Variants in CPA4 observed in about 807,000 individuals in gnomAD.
CPA4 encodes carboxypeptidase A3.
CPA4 carries 49 observed loss-of-function variants against 54.7 expected under a neutral mutation model. That is an observed-to-expected ratio of 0.90 (90% CI 0.71 to 1.14). CPA4 has a LOEUF of 1.14. CPA4 is among the 50% of genes most tolerant of loss of function. The probability of loss-of-function intolerance (pLI) is 0.00; values close to 1 mark genes in which losing one functional copy is unlikely to be tolerated. For synonymous variants in CPA4, 215 were observed against 206.8 expected (o/e 1.04, Z -0.34); for missense variants, 487 against 525.1 (o/e 0.93, Z 0.71).
Position 130,308,315 on chromosome 7 carries a change from A to G in CPA4, c.711A>G (p.Leu237=). The G allele has an allele frequency of 4.3e-6, 7 of 1,614,052 alleles. No homozygotes were observed. The highest frequency in any genetic ancestry group is 5.9e-6 in the Non-Finnish European group (7 of 1,179,980). Residue 237 remains leucine (L), a synonymous_variant, in exon 8 of 11, where the codon TTA becomes TTG. Coordinates refer to ENST00000222482, the MANE Select transcript of CPA4 (RefSeq NM_016352.4). ...GYVYTQTQNR[L]WRKTRSRNPG... is the part of the protein sequence containing the mutation. ...CTTGGTGGCTTTTTCAGAACCGATT[A>G]TGGAGGAAGACGCGGTCCCGAAATC...
At position 130,310,764 on chromosome 7, in the gene CPA4, T is replaced by C. The variant is rs750039760; in HGVS notation, c.794-23T>C. 1 of 1,609,118 alleles carries C rather than the reference T, an allele frequency of 6.2e-7. No homozygotes were observed. ...TGTTCTTGGACTATGAGTTAATGTTTGTTCTTGGGCTATCCCCAACAGGAA... is the reference window on the plus strand; with the variant it reads ...TGTTCTTGGACTATGAGTTAATGTTCGTTCTTGGGCTATCCCCAACAGGAA... On this transcript the variant is annotated intron_variant, in intron 8 of 10. Coordinates refer to ENST00000222482, the MANE Select transcript of CPA4 (RefSeq NM_016352.4). The surrounding 1 kb of genome is among the most constrained non-coding windows in gnomAD (Gnocchi z 4.3).
intron 1 of CPA4, among the ~76,000 whole-genome samples, chr7:130,293,705 A>G (rs781051629): frequency 2.0e-5 from 3 of 152,202 alleles, no homozygotes; most frequent in Non-Finnish European, 2.9e-5. Context: ...TTAATGGCGA[A>G]GGCTTTGCAG....
chr7:130,322,420 T>C, intron 10 of CPA4, 69 bp from the exon 11 acceptor site: 6 of 1,339,278 alleles, frequency 4.5e-6, no homozygotes, highest in Non-Finnish European at 6.3e-6. Flanking sequence ...CAGGCAGAGC[T>C]CTTGGCCCCT....
chr7:130,320,792 C>A (rs993001642), intron 10 of CPA4, among the ~76,000 whole-genome samples: 2 of 152,182 alleles, frequency 1.3e-5, no homozygotes, highest in Admixed American at 6.5e-5. Flanking sequence ...ATAAAACCTA[C>A]TTCAATGAGT....
rs1794158844 is a variant in CPA4 at position 130,323,529 on chromosome 7, T to A, written c.*853T>A. On this transcript the variant is annotated 3_prime_UTR_variant, in exon 11 of 11. Coordinates refer to ENST00000222482, the MANE Select transcript of CPA4 (RefSeq NM_016352.4). ...CCACTGTGCCGGGCCCGTCCCCTCCTTTTTTAGGCCTGAATACAAAGTAGA... is the reference window on the plus strand; with the variant it reads ...CCACTGTGCCGGGCCCGTCCCCTCCATTTTTAGGCCTGAATACAAAGTAGA... The A allele has an allele frequency of 6.6e-6, 1 of 152,238 alleles. No homozygotes were observed. Among genetic ancestry groups the A allele is most frequent in the Admixed American group, 6.5e-5 (1 of 15,274 alleles). 9.4% of individuals were successfully genotyped at this position (152,238 alleles called of 1,614,324 possible).
intron 10 of CPA4, among the ~76,000 whole-genome samples, chr7:130,319,792 G>A (rs1794058070): frequency 6.6e-6 from 1 of 152,224 alleles, no homozygotes; most frequent in Non-Finnish European, 1.5e-5. Flanking sequence ...TCTGGGTGTG[G>A]TGATGATTCC....
intron 10 of CPA4, among the ~76,000 whole-genome samples, chr7:130,316,174 G>A (rs1793985032): frequency 1.3e-5 from 2 of 152,218 alleles, no homozygotes; most frequent in Non-Finnish European, 2.9e-5. Context: ...AAAGAAATGT[G>A]ATTGATGTCC....
chr7:130,320,233 A>G (rs1322899113), intron 10 of CPA4, among the ~76,000 whole-genome samples: 2 of 152,208 alleles, frequency 1.3e-5, no homozygotes, highest in East Asian at 3.8e-4. Context: ...CATGTGCAGA[A>G]CAGCGTTAAT....
Position 130,308,339 on chromosome 7 carries a change from TC to T in CPA4, c.737del (p.Pro246LeufsTer43), listed in dbSNP as rs1484149980. 1 of 1,614,188 alleles carries T rather than the reference TC, an allele frequency of 6.2e-7. No homozygotes were observed. The highest frequency in any genetic ancestry group is 8.5e-7 in the Non-Finnish European group (1 of 1,180,040). ...RLWRKTRSRNPGSSCIGADPN... is the reference protein window; with the variant it reads ...RLWRKTRSRNXGSSCIGADPN... ...TATGGAGGAAGACGCGGTCCCGAAA[TC>T]CTGGAAGCTCCTGCATTGGTGCTGA... is the stretch of plus-strand genomic sequence containing the variant. On this transcript the variant is annotated frameshift_variant, in exon 8 of 11. Coordinates refer to ENST00000222482, the MANE Select transcript of CPA4 (RefSeq NM_016352.4). LOFTEE classifies it high-confidence loss of function.
chr7:130,318,860 C>T lies in CPA4; in HGVS notation c.1079-3629C>T, dbSNP rs116322786. 3.0e-3 allele frequency among the ~76,000 whole-genome samples: 464 copies of T among 152,276 alleles called. 2 individuals carry two copies. Among genetic ancestry groups the T allele is most frequent in the African/African-American group, 0.011 (437 of 41,558 alleles). The stretch of plus-strand genomic sequence containing the variant: ...TGGTGTGTGCTACATACACAGTCGA[C>T]GTTTGTCCTTTCAAGTGCTGGGCCT... On this transcript the variant is annotated intron_variant, in intron 10 of 10. Transcript: ENST00000222482.
At chr7:130,315,430 T>TA (rs1793973832) in intron 10 of CPA4, among the ~76,000 whole-genome samples, 2 of 137,102 alleles carry the variant, frequency 1.5e-5, no homozygotes, top group Non-Finnish European at 3.2e-5. Context: ...TTGGTGAGGG[T>TA]GTTTTTTAGA....
chr7:130,311,134 A>G (rs1793907012), intron 9 of CPA4, 148 bp downstream of exon 9: 1 of 654,828 alleles, frequency 1.5e-6, no homozygotes, highest in South Asian at 1.8e-5. Context: ...GCCCTTTGGG[A>G]TATGCTGTCA....
At chr7:130,311,509 G>A (rs533563918) in intron 9 of CPA4, among the ~76,000 whole-genome samples, 39 of 152,274 alleles carry the variant, frequency 2.6e-4, no homozygotes, top group African/African-American at 9.4e-4. Context: ...CAAAGTGCGG[G>A]CTTGATTCTG....
At position 130,310,907 on chromosome 7, in the gene CPA4, T is replaced by A; in HGVS notation, c.914T>A (p.Ile305Asn). The A allele has an allele frequency of 6.2e-7, 1 of 1,614,208 alleles. No homozygotes were observed. Among genetic ancestry groups the A allele is most frequent in the Non-Finnish European group, 8.5e-7 (1 of 1,180,030 alleles). Residue 305 changes from isoleucine (I) to asparagine (N), a missense_variant, in exon 9 of 11, where the codon ATC becomes AAC. Coordinates refer to ENST00000222482, the MANE Select transcript of CPA4 (RefSeq NM_016352.4). The surrounding 1 kb of genome is among the most constrained non-coding windows in gnomAD (Gnocchi z 4.3). ...AAACATGGGAATTTCAAGGGCTTCA[T>A]CGACCTGCACAGCTACTCGCAGCTG... The part of the protein sequence containing the change: ...IQKHGNFKGF[I>N]DLHSYSQLLM...
chr7:130,301,430 A>C (rs1217675445), intron 4 of CPA4, among the ~76,000 whole-genome samples: 1 of 152,218 alleles, frequency 6.6e-6, no homozygotes, highest in Non-Finnish European at 1.5e-5. Flanking sequence ...GGTAAGCCAA[A>C]CCTTCAAATG....
At chr7:130,315,558 C>A (rs1180369212) in intron 10 of CPA4, among the ~76,000 whole-genome samples, 2 of 151,750 alleles carry the variant, frequency 1.3e-5, no homozygotes, top group Admixed American at 1.3e-4. Flanking sequence ...GAATTCAGGG[C>A]CATTATCAGA....
In CPA4 at chr7:130,323,310, C is replaced by T. The variant is rs1794152528; in HGVS notation, c.*634C>T. Reference sequence around the variant, plus strand: ...TCTTGGCTCACCACAACCTCTGCCTCCTGGGTTCAAGCAATTCTCCTGCCT... The same window carrying T: ...TCTTGGCTCACCACAACCTCTGCCTTCTGGGTTCAAGCAATTCTCCTGCCT... On this transcript the variant is annotated 3_prime_UTR_variant, in exon 11 of 11. Coordinates refer to ENST00000222482, the MANE Select transcript of CPA4 (RefSeq NM_016352.4). 1 of 152,000 alleles carries T rather than the reference C, an allele frequency of 6.6e-6. No homozygotes were observed. The highest frequency in any genetic ancestry group is 1.5e-5 in the Non-Finnish European group (1 of 68,170). The allele number at this position is 152,000 out of a possible 1,614,324, so 9.4% of individuals were successfully genotyped here. A position where few individuals can be genotyped will look rare whatever the true frequency, so the allele number is the denominator to read the frequency against.
Position 130,300,839 on chromosome 7 carries a change from T to C in CPA4, c.309T>C (p.Asp103=), listed in dbSNP as rs1793729094. ...AGGCCCTTTTAGACAATGAAGATGA[T>C]GAAATGCAACACAATGAAGGGCAAG... ...DLQALLDNED[D]EMQHNEGQER... Residue 103 remains aspartate (D), a synonymous_variant, in exon 4 of 11, where the codon GAT becomes GAC. Transcript: ENST00000222482. The C allele has an allele frequency of 1.1e-5, 17 of 1,613,394 alleles. No homozygotes were observed. The Admixed American group carries it at 2.5e-4, about 24-fold the overall frequency.
At chr7:130,293,694 G>A (rs906891479) in intron 1 of CPA4, among the ~76,000 whole-genome samples, 2 of 152,200 alleles carry the variant, frequency 1.3e-5, no homozygotes, top group Admixed American at 1.3e-4. Context: ...TCACTTCTTT[G>A]TTAATGGCGA....
Sources: allele counts gnomAD v4.1 joint callset (sites outside exome capture counted in the v4.1 genomes callset), GRCh38; gene constraint gnomAD v4.1.1; non-coding constraint Gnocchi (gnomAD v3.1); transcripts MANE v1.5; gene names NCBI Gene and HGNC (gene_info 2026-07-23, HGNC 2026-07-21).